The following AGXT2 variants were observed in gnomAD, a reference collection of about 807,000 sequenced individuals.
AGXT2 encodes the protein alanine--glyoxylate aminotransferase 2.
AGXT2 carries 61 observed loss-of-function variants against 62.5 expected under a neutral mutation model. That is an observed-to-expected ratio of 0.98 (90% CI 0.79 to 1.21). The LOEUF is 1.21. AGXT2 is among the 50% of genes most tolerant of loss of function. AGXT2 has a pLI of 0.00. For missense variants in AGXT2, 666 were observed against 641.5 expected (o/e 1.04, Z -0.41); for synonymous variants, 243 against 218.7 (o/e 1.11, Z -0.98).
intron 2 of AGXT2, among the ~76,000 whole-genome samples, chr5:35,040,115 G>T (rs59169837): frequency 1.3e-5 from 2 of 152,124 alleles, no homozygotes; most frequent in Non-Finnish European, 1.5e-5. Context: ...GAAAGAAAGA[G>T]AGAGAAAGTA....
chr5:35,031,812 T>G (rs754818488), intron 7 of AGXT2, among the ~76,000 whole-genome samples: 7 of 152,072 alleles, frequency 4.6e-5, no homozygotes, highest in Non-Finnish European at 1.0e-4. Context: ...GACTGGAGTT[T>G]TGAGATTGCC....
chr5:35,014,172 G>A (rs3733824), intron 9 of AGXT2, 53 bp from the exon 10 acceptor site: 19 of 1,611,148 alleles, frequency 1.2e-5, no homozygotes, highest in East Asian at 1.1e-4. Context: ...TGCTGTTTTC[G>A]ACAGGGCGCG....
At chr5:35,005,285 G>T (rs754937105) in intron 12 of AGXT2, among the ~76,000 whole-genome samples, 5 of 152,138 alleles carry the variant, frequency 3.3e-5, no homozygotes, top group Non-Finnish European at 7.4e-5. Flanking sequence ...CTGCAGTGCA[G>T]TGGTGCAATC....
At chr5:35,019,699 G>T (rs1392100084) in intron 9 of AGXT2, among the ~76,000 whole-genome samples, 1 of 152,144 alleles carries the variant, frequency 6.6e-6, no homozygotes, top group Non-Finnish European at 1.5e-5. Context: ...TCAAAAGCTA[G>T]AAGAAGGCAA....
chr5:35,037,148 C>A, intron 3 of AGXT2, 83 bp from the exon 4 acceptor site: 1 of 1,594,626 alleles, frequency 6.3e-7, no homozygotes, highest in South Asian at 1.1e-5. Flanking sequence ...CCCAAATATA[C>A]TGTTTTTTCT....
chr5:35,024,764 T>C (rs1767258105), intron 9 of AGXT2, among the ~76,000 whole-genome samples: 1 of 151,706 alleles, frequency 6.6e-6, no homozygotes, highest in Non-Finnish European at 1.5e-5. Flanking sequence ...AGGTCAGGAG[T>C]TCGAGACCAG....
chr5:35,001,287 C>T lies in AGXT2; in HGVS notation c.1438-2461G>A, dbSNP rs571783550. 2.6e-5 allele frequency among the ~76,000 whole-genome samples: 4 copies of T among 152,278 alleles called. No individual in the cohort carries two copies. The South Asian group carries it at 8.3e-4, about 32-fold the overall frequency. ...TCCAAACCAACATGAGAGCTTCTTC[C>T]TCGACTCTCTCTGGTTCTTCATATC... is the stretch of plus-strand genomic sequence containing the variant. On this transcript the variant is annotated intron_variant, in intron 13 of 13. Transcript: ENST00000231420.
At chr5:35,027,289 CT>C (rs1767394278) in intron 7 of AGXT2, among the ~76,000 whole-genome samples, 1 of 150,324 alleles carries the variant, frequency 6.7e-6, no homozygotes, top group Non-Finnish European at 1.5e-5. Context: ...GCTTGAAGGC[CT>C]TTCTTTCTTT....
At chr5:35,017,822 T>C (rs920356667) in intron 9 of AGXT2, among the ~76,000 whole-genome samples, 1 of 152,070 alleles carries the variant, frequency 6.6e-6, no homozygotes, top group African/African-American at 2.4e-5. Flanking sequence ...TTGAAAACTT[T>C]GAAAAAAATT....
At chr5:35,044,833 G>A (rs1474430454) in intron 1 of AGXT2, among the ~76,000 whole-genome samples, 1 of 152,230 alleles carries the variant, frequency 6.6e-6, no homozygotes, top group African/African-American at 2.4e-5. Flanking sequence ...CTTGGCATGT[G>A]TTAAATCAGT....
chr5:35,003,835 T>C lies in AGXT2; in HGVS notation c.1365A>G (p.Glu455=). ...DKISCRPLPR[E]EVNQIHEDCK... is the part of the protein sequence containing the mutation. ...AGTCCTCATGGATCTGATTTACTTCTTCACGGGGAAGAGGCCGACAGCTTA... is the reference window on the plus strand; with the variant it reads ...AGTCCTCATGGATCTGATTTACTTCCTCACGGGGAAGAGGCCGACAGCTTA... The change falls in exon 13 of 14, where the codon GAA becomes GAG. Residue 455 remains glutamate (E), a synonymous_variant. Transcript: ENST00000231420. The C allele has an allele frequency of 6.2e-7, 1 of 1,614,248 alleles. No homozygotes were observed. Among genetic ancestry groups the C allele is most frequent in the African/African-American group, 1.3e-5 (1 of 75,076 alleles).
At position 35,033,564 on chromosome 5, in the gene AGXT2, G is replaced by T. The variant is rs1767654341; in HGVS notation, c.582-11C>A. ...CCATGGTAGGCTCCTCTGCAGAGAAGAAACAACAGGAGGATGGGGTCAAGT... is the reference window on the plus strand; with the variant it reads ...CCATGGTAGGCTCCTCTGCAGAGAATAAACAACAGGAGGATGGGGTCAAGT... On this transcript the variant is annotated splice_polypyrimidine_tract_variant and intron_variant, in intron 5 of 13. Coordinates refer to ENST00000231420, the MANE Select transcript of AGXT2 (RefSeq NM_031900.4). The T allele has an allele frequency of 1.9e-6, 3 of 1,607,838 alleles. No homozygotes were observed. Among genetic ancestry groups the T allele is most frequent in the South Asian group, 2.2e-5 (2 of 90,954 alleles).
intron 13 of AGXT2, among the ~76,000 whole-genome samples, chr5:35,001,593 G>C (rs1044086811): frequency 1.3e-5 from 2 of 152,194 alleles, no homozygotes; most frequent in Admixed American, 1.3e-4. Flanking sequence ...AGCATTAAAT[G>C]AGTCAGTTCA....
intron 1 of AGXT2, among the ~76,000 whole-genome samples, chr5:35,044,009 C>T (rs758663662): frequency 6.6e-6 from 1 of 152,128 alleles, no homozygotes; most frequent in African/African-American, 2.4e-5. Flanking sequence ...CCAATTGTAT[C>T]TCATTTCTGT....
intron 13 of AGXT2, among the ~76,000 whole-genome samples, chr5:35,001,364 A>G (rs1766220487): frequency 1.3e-5 from 2 of 150,304 alleles, no homozygotes; most frequent in Non-Finnish European, 3.0e-5. Context: ...CTCTATCTCT[A>G]CTACCACAGC....
chr5:35,031,435 G>T (rs1292293107), intron 7 of AGXT2, among the ~76,000 whole-genome samples: 2 of 152,114 alleles, frequency 1.3e-5, no homozygotes, highest in Non-Finnish European at 2.9e-5. Context: ...TGGTTTTTAA[G>T]ACTTCTGTTT....
rs191892000 is a variant in AGXT2 at position 35,009,936 on chromosome 5, T to C, written c.1338+64A>G. The C allele has an allele frequency of 5.0e-4, 795 of 1,605,344 alleles. 7 individuals are homozygous for C. In the African/African-American group the frequency reaches 9.8e-3, roughly 20 times the overall value. ...TTGAGAGTAAATGAAGTTTAGCTGA[T>C]GTTTCCTCCTATATCTCCTGCTGGC... On this transcript the variant is annotated intron_variant, in intron 12 of 13. Transcript: ENST00000231420.
rs9885495 is a variant in AGXT2, at chr5:35,027,517, G to A, written c.770-1007C>T. ...TTCTTCACAGTGTCCTATCCCTTTC[G>A]CATATTTTCAAGCTTATATTTGATT... On this transcript the variant is annotated intron_variant, in intron 7 of 13. Transcript: ENST00000231420. Among the ~76,000 whole-genome samples, 778 of 151,896 alleles carry A rather than the reference G, an allele frequency of 5.1e-3. 7 individuals are homozygous for A. The highest frequency in any genetic ancestry group is 0.018 in the African/African-American group (729 of 41,426).
intron 6 of AGXT2, 175 bp from the exon 7 acceptor site, chr5:35,033,000 T>A (rs1259464142): frequency 1.5e-5 from 10 of 647,454 alleles, no homozygotes; most frequent in Admixed American, 1.1e-4. Context: ...TTCTTAGAAA[T>A]CAGCTATGTG....
Sources: allele counts gnomAD v4.1 joint callset (sites outside exome capture counted in the v4.1 genomes callset), GRCh38; gene constraint gnomAD v4.1.1; transcripts MANE v1.5; gene names NCBI Gene and HGNC (gene_info 2026-07-23, HGNC 2026-07-21).